CACNA2D4: variants seen among roughly 807,000 people sequenced by gnomAD.
CACNA2D4 encodes calcium voltage-gated channel auxiliary subunit alpha2delta 4.
Under a neutral mutation model 163.8 loss-of-function variants are expected in CACNA2D4, and 157 were observed. That is an observed-to-expected ratio of 0.96 (90% CI 0.84 to 1.09). The LOEUF is 1.09. Ranked by LOEUF, CACNA2D4 falls within the 50% of genes least tolerant of loss-of-function variation. The pLI is 0.00. For missense variants in CACNA2D4, 1,410 were observed against 1,479.9 expected, an observed-to-expected ratio of 0.95 and a Z score of 0.78; for synonymous variants, 598 against 586.9, an observed-to-expected ratio of 1.02 and a Z score of -0.27.
At chr12:1,890,240 C>T (rs1049657152) in intron 6 of CACNA2D4, among the ~76,000 whole-genome samples, 1 of 152,170 alleles carries the variant, frequency 6.6e-6, no homozygotes, top group African/African-American at 2.4e-5. Context: ...GGATCTCATA[C>T]ACCCCCAGAT....
At chr12:1,876,351 GCTGAGTGTTATTATTTT>G (rs1865880386) in intron 16 of CACNA2D4, among the ~76,000 whole-genome samples, 1 of 152,128 alleles carries the variant, frequency 6.6e-6, no homozygotes, top group Admixed American at 6.5e-5. Context: ...TAATCAACAT[GCTGAGTGTTATTATTTT>G]CTGGCCCTGA....
chr12:1,918,179 G>T (rs1226082275), intron 1 of CACNA2D4, 68 bp downstream of exon 1: 3 of 1,201,112 alleles, frequency 2.5e-6, no homozygotes, highest in Admixed American at 2.1e-5. Flanking sequence ...GAGGATGGAG[G>T]CCCAGCCCGG....
chr12:1,824,680 A>G (rs761633312), intron 26 of CACNA2D4, among the ~76,000 whole-genome samples: 4 of 152,232 alleles, frequency 2.6e-5, no homozygotes, highest in Admixed American at 2.0e-4. Context: ...AGCAGCTGTC[A>G]GTGCCTGCTG....
rs1274355285 is a variant in CACNA2D4 at position 1,875,596 on chromosome 12, C to A, written c.1720-259G>T. Among the ~76,000 whole-genome samples, 1 of 152,138 alleles carries A rather than the reference C, an allele frequency of 6.6e-6. No individual in the cohort carries two copies. Among genetic ancestry groups the A allele is most frequent in the Non-Finnish European group, 1.5e-5 (1 of 68,028 alleles). On this transcript the variant is annotated intron_variant, in intron 16 of 37. Coordinates refer to ENST00000382722, the MANE Select transcript of CACNA2D4 (RefSeq NM_172364.5). The surrounding 1 kb of genome is among the most constrained non-coding windows in gnomAD (Gnocchi z 4.0). ...GGGAGCTCCCTATCTCGTGGGTCAG[C>A]TTGTTGGAGCTTTGGATAGCCCTAA... is the stretch of plus-strand genomic sequence containing the variant.
Position 1,907,976 on chromosome 12 carries a change from A to G in CACNA2D4, c.548T>C (p.Leu183Pro). 1 of 1,614,038 alleles carries G rather than the reference A, an allele frequency of 6.2e-7. No individual in the cohort carries two copies. Among genetic ancestry groups the G allele is most frequent in the Non-Finnish European group, 8.5e-7 (1 of 1,179,872 alleles). ...ERDEKGNFVELGAEFLLESNA... is the reference protein window; with the variant it reads ...ERDEKGNFVEPGAEFLLESNA... ...GGACTCCAGGAGGAACTCGGCGCCC[A>G]GCTCCACGAAGTTGCCCTTCTCGTC... Residue 183 changes from leucine to proline, a missense_variant, in exon 5 of 38, where the codon CTG (leucine) becomes CCG (proline). Physicochemically the swap from Leu to Pro is moderately conservative, Grantham distance 98. Transcript: ENST00000382722.
At chr12:1,857,986 A>G (rs1175549349) in intron 20 of CACNA2D4, among the ~76,000 whole-genome samples, 1 of 152,186 alleles carries the variant, frequency 6.6e-6, no homozygotes, top group Non-Finnish European at 1.5e-5. Context: ...CAGAGACTGA[A>G]GTGTGCAGCT....
chr12:1,864,038 A>G (rs1321886636), intron 18 of CACNA2D4, among the ~76,000 whole-genome samples: 1 of 152,226 alleles, frequency 6.6e-6, no homozygotes, highest in Non-Finnish European at 1.5e-5. Flanking sequence ...GGCCGGGCCC[A>G]TCCCGTCCAA....
Position 1,799,737 on chromosome 12 carries a change from G to T in CACNA2D4, c.2975-42C>A. The T allele has an allele frequency of 6.4e-7, 1 of 1,563,218 alleles. No homozygotes were observed. The highest frequency in any genetic ancestry group is 1.2e-5 in the South Asian group (1 of 84,704). On this transcript the variant is annotated intron_variant, in intron 33 of 37. Coordinates refer to ENST00000382722, the MANE Select transcript of CACNA2D4 (RefSeq NM_172364.5). This position sits in a 1 kb window ranked among gnomAD's most constrained non-coding sequence, Gnocchi z 4.7. ...CCCAGCACAGGGTGGACACGGCACA[G>T]GAAAACATGGTGGCACATGAGGGCA...
rs1000771683 is a variant in CACNA2D4 at position 1,846,981 on chromosome 12, G to A, written c.2247-292C>T. Among the ~76,000 whole-genome samples, 23 of 152,308 alleles carry A rather than the reference G, an allele frequency of 1.5e-4. No individual in the cohort carries two copies. The East Asian group carries it at 1.5e-3, about 10-fold the overall frequency. The stretch of plus-strand genomic sequence containing the variant: ...TCTTAATTTGTTCTCCTGGCTTTTG[G>A]GGAGTTCGATCTAGAAGATGGAACT... On this transcript the variant is annotated intron_variant, in intron 23 of 37. Coordinates refer to ENST00000382722, the MANE Select transcript of CACNA2D4 (RefSeq NM_172364.5).
chr12:1,858,902 C>G (rs1216005223), intron 19 of CACNA2D4, among the ~76,000 whole-genome samples: 1 of 152,192 alleles, frequency 6.6e-6, no homozygotes, highest in South Asian at 2.1e-4. Context: ...GCCCTCTCAG[C>G]TCCCATTTTC....
At chr12:1,795,242 G>A in intron 37 of CACNA2D4, 57 bp downstream of exon 37, 2 of 1,505,402 alleles carry the variant, frequency 1.3e-6, no homozygotes, top group Non-Finnish European at 1.8e-6. Context: ...ACAGACCCAG[G>A]CACAGAGGGT....
chr12:1,797,781 A>G, intron 34 of CACNA2D4: 4 of 566,814 alleles, frequency 7.1e-6, no homozygotes, highest in Non-Finnish European at 9.5e-6. Flanking sequence ...GTGGAGGGAA[A>G]GCGCTTCCTC....
intron 26 of CACNA2D4, among the ~76,000 whole-genome samples, chr12:1,826,755 C>T (rs1864347644): frequency 6.6e-6 from 1 of 152,218 alleles, no homozygotes; most frequent in Non-Finnish European, 1.5e-5. Context: ...CTGTGGCCGC[C>T]TGAGGAGCAC....
intron 26 of CACNA2D4, among the ~76,000 whole-genome samples, chr12:1,814,891 GTTTGT>G (rs1231635876): frequency 1.3e-5 from 2 of 152,062 alleles, no homozygotes; most frequent in East Asian, 3.9e-4. Context: ...GCTCTTTTTT[GTTTGT>G]TTTGTGTTTT....
intron 6 of CACNA2D4, among the ~76,000 whole-genome samples, chr12:1,905,966 T>A: frequency 6.6e-6 from 1 of 152,186 alleles, no homozygotes. Flanking sequence ...AGCATGGTAC[T>A]GGCATAAAGA....
At chr12:1,842,252 A>G (rs1865042078) in intron 25 of CACNA2D4, among the ~76,000 whole-genome samples, 1 of 151,946 alleles carries the variant, frequency 6.6e-6, no homozygotes, top group South Asian at 2.1e-4. Flanking sequence ...CTGTGGGCAT[A>G]TTTCTGAGGC....
In CACNA2D4 at chr12:1,876,688, T is replaced by G. The variant is rs147870065; in HGVS notation, c.1720-1351A>C. Among the ~76,000 whole-genome samples, 35 of 152,314 alleles carry G rather than the reference T, an allele frequency of 2.3e-4. 1 individual carries two copies. The East Asian group carries it at 6.8e-3, about 29-fold the overall frequency. The stretch of plus-strand genomic sequence containing the variant: ...GGGATCTGTAGGATCCCCTTTCCCC[T>G]CTTTCCCTCCTTTCCCATGCCTGGA... On this transcript the variant is annotated intron_variant, in intron 16 of 37. Transcript: ENST00000382722.
chr12:1,834,863 C>G lies in CACNA2D4; in HGVS notation c.2551+5876G>C. Reference sequence around the variant, plus strand: ...CCGCCCTCCAGCAGACAAGCCACACCGGGTTCTCTCCCTGCACTTTCGAGG... The same window carrying G: ...CCGCCCTCCAGCAGACAAGCCACACGGGGTTCTCTCCCTGCACTTTCGAGG... On this transcript the variant is annotated intron_variant, in intron 26 of 37. Coordinates refer to ENST00000382722, the MANE Select transcript of CACNA2D4 (RefSeq NM_172364.5). This position sits in a 1 kb window ranked among gnomAD's most constrained non-coding sequence, Gnocchi z 7.6. 3 of 1,412,614 alleles carry G rather than the reference C, an allele frequency of 2.1e-6. No homozygotes were observed. Among genetic ancestry groups the G allele is most frequent in the Non-Finnish European group, 2.8e-6 (3 of 1,080,052 alleles). 87.5% of individuals were successfully genotyped at this position (1,412,614 alleles called of 1,614,324 possible). A position where few individuals can be genotyped will look rare whatever the true frequency, so the allele number is the denominator to read the frequency against.
intron 4 of CACNA2D4, among the ~76,000 whole-genome samples, chr12:1,909,028 T>C (rs1866746633): frequency 6.6e-6 from 1 of 152,142 alleles, no homozygotes; most frequent in Non-Finnish European, 1.5e-5. Context: ...TGCACCTGCC[T>C]TTCCCTGCTG....
Sources: gnomAD v4.1 joint callset for allele counts (sites outside exome capture counted in the v4.1 genomes callset) on GRCh38, gnomAD v4.1.1 for gene constraint, Gnocchi (gnomAD v3.1) non-coding constraint, MANE v1.5 for transcripts, NCBI Gene and HGNC (gene_info 2026-07-23, HGNC 2026-07-21) for gene names.